CAMK2B: variants seen among roughly 807,000 people sequenced by gnomAD.
The protein encoded by CAMK2B is calcium/calmodulin-dependent protein kinase type II subunit beta.
Under a neutral mutation model 93.7 loss-of-function variants are expected in CAMK2B, and 27 were observed. That is an observed-to-expected ratio of 0.29 (90% CI 0.21 to 0.40). CAMK2B has a LOEUF of 0.40. Ranked by LOEUF, CAMK2B falls within the 10% of genes least tolerant of loss-of-function variation. CAMK2B has a pLI of 1.00. For missense variants in CAMK2B, 568 were observed against 895.8 expected (o/e 0.63, Z 4.67); for synonymous variants, 374 against 358.8 (o/e 1.04, Z -0.48).
At chr7:44,298,644 G>A (rs1037119814) in intron 1 of CAMK2B, among the ~76,000 whole-genome samples, 3 of 152,072 alleles carry the variant, frequency 2.0e-5, no homozygotes, top group Non-Finnish European at 4.4e-5. Context: ...ATCTGATGAC[G>A]GATAAATATA....
intron 2 of CAMK2B, among the ~76,000 whole-genome samples, chr7:44,280,851 C>A (rs1196402801): frequency 6.6e-6 from 1 of 152,210 alleles, no homozygotes; most frequent in Non-Finnish European, 1.5e-5. Context: ...GGCTCAGACA[C>A]AAGCAGGTGA....
rs768991188 is a variant in CAMK2B at position 44,217,187 on chromosome 7, G to A, written c.*2338C>T. 4 of 152,578 alleles carry A rather than the reference G, an allele frequency of 2.6e-5. No individual in the cohort carries two copies. The highest frequency in any genetic ancestry group is 2.1e-4 in the South Asian group (1 of 4,826). 9.5% of individuals were successfully genotyped at this position (152,578 alleles called of 1,614,324 possible). A position where few individuals can be genotyped will look rare whatever the true frequency, so the allele number is the denominator to read the frequency against. ...GTTTTTCTTTTATTTGCAGTTTCCC[G>A]AGACAGAACAAAATAAGAATAATTT... On this transcript the variant is annotated 3_prime_UTR_variant, in exon 24 of 24. Coordinates refer to ENST00000395749, the MANE Select transcript of CAMK2B (RefSeq NM_001220.5).
intron 16 of CAMK2B, among the ~76,000 whole-genome samples, chr7:44,231,904 A>ACAC (rs1391449267): frequency 6.6e-6 from 1 of 152,236 alleles, no homozygotes; most frequent in Non-Finnish European, 1.5e-5. Context: ...CACTGCCTGG[A>ACAC]CACTGCTTGG....
chr7:44,230,783 G>A (rs1041893121), intron 17 of CAMK2B, among the ~76,000 whole-genome samples: 1 of 152,160 alleles, frequency 6.6e-6, no homozygotes, highest in African/African-American at 2.4e-5. Flanking sequence ...TGCGGTGACC[G>A]AGACTGCCCA....
intron 16 of CAMK2B, among the ~76,000 whole-genome samples, chr7:44,231,375 C>T (rs887723051): frequency 7.9e-5 from 12 of 152,186 alleles, no homozygotes; most frequent in Admixed American, 2.6e-4. Flanking sequence ...AGTCCGAGGC[C>T]GGCCCTGCCA....
chr7:44,287,342 C>G (rs535608698), intron 1 of CAMK2B, among the ~76,000 whole-genome samples: 1 of 152,204 alleles, frequency 6.6e-6, no homozygotes, highest in South Asian at 2.1e-4. Context: ...CTTTACCCAC[C>G]ACTTCCCCTA....
chr7:44,301,392 C>T (rs1425724021), intron 1 of CAMK2B, among the ~76,000 whole-genome samples: 2 of 152,204 alleles, frequency 1.3e-5, no homozygotes, highest in African/African-American at 2.4e-5. Context: ...CCACCCTGTC[C>T]TCCCAAAGCA....
At chr7:44,250,759 A>G (rs1459306804) in intron 5 of CAMK2B, among the ~76,000 whole-genome samples, 2 of 151,932 alleles carry the variant, frequency 1.3e-5, no homozygotes, top group African/African-American at 4.8e-5. Flanking sequence ...CGATCTCCTG[A>G]CCTTGTGATC....
intron 13 of CAMK2B, among the ~76,000 whole-genome samples, chr7:44,235,432 C>G (rs1417592249): frequency 6.6e-6 from 1 of 152,266 alleles, no homozygotes; most frequent in Non-Finnish European, 1.5e-5. Flanking sequence ...TCAGAGGGGC[C>G]TGGCCCCAGC....
At chr7:44,299,933 T>C (rs1168493655) in intron 1 of CAMK2B, among the ~76,000 whole-genome samples, 1 of 151,990 alleles carries the variant, frequency 6.6e-6, no homozygotes, top group Non-Finnish European at 1.5e-5. Flanking sequence ...AAAAAGTAAA[T>C]GGATGGAGAA....
chr7:44,260,454 A>G (rs780139476), intron 3 of CAMK2B, among the ~76,000 whole-genome samples: 26 of 152,152 alleles, frequency 1.7e-4, no homozygotes, highest in Admixed American at 7.2e-4. Context: ...CAGGCCCCAG[A>G]AGCCTCCACA....
chr7:44,309,052 C>T (rs1345496113), intron 1 of CAMK2B, among the ~76,000 whole-genome samples: 3 of 152,200 alleles, frequency 2.0e-5, no homozygotes, highest in South Asian at 2.1e-4. Flanking sequence ...AGAGCCCTGC[C>T]CAGCACTGCC....
intron 2 of CAMK2B, among the ~76,000 whole-genome samples, chr7:44,265,643 C>T (rs533760506): frequency 5.9e-5 from 9 of 152,324 alleles, no homozygotes; most frequent in South Asian, 4.1e-4. Context: ...ACTGAAACAT[C>T]GCCAAGAGCT....
intron 1 of CAMK2B, among the ~76,000 whole-genome samples, chr7:44,291,064 C>A (rs982132591): frequency 1.3e-5 from 2 of 152,216 alleles, no homozygotes; most frequent in Non-Finnish European, 2.9e-5. Context: ...CCACTTTCCA[C>A]TTTCTCCTCT....
intron 2 of CAMK2B, among the ~76,000 whole-genome samples, chr7:44,266,376 T>G (rs2096921407): frequency 6.6e-6 from 1 of 152,156 alleles, no homozygotes; most frequent in Admixed American, 6.5e-5. Flanking sequence ...GCTTCCACAT[T>G]AACACCGTAA....
intron 1 of CAMK2B, 75 bp from the exon 2 acceptor site, chr7:44,284,300 C>T (rs1784488677): frequency 9.6e-7 from 1 of 1,045,956 alleles, no homozygotes. Flanking sequence ...CGATTAATCT[C>T]CCCATAAACA....
chr7:44,288,805 T>G (rs1785867090), intron 1 of CAMK2B, among the ~76,000 whole-genome samples: 1 of 152,114 alleles, frequency 6.6e-6, no homozygotes, highest in East Asian at 1.9e-4. Flanking sequence ...TTTCTACGAC[T>G]GCACCTGCTC....
chr7:44,291,992 C>T (rs1006371859), intron 1 of CAMK2B, among the ~76,000 whole-genome samples: 3 of 152,166 alleles, frequency 2.0e-5, no homozygotes, highest in Non-Finnish European at 2.9e-5. Context: ...TGAGCCTGCT[C>T]GGGCTGCTGA....
At chr7:44,293,532 A>G (rs1787430544) in intron 1 of CAMK2B, among the ~76,000 whole-genome samples, 1 of 152,136 alleles carries the variant, frequency 6.6e-6, no homozygotes, top group Non-Finnish European at 1.5e-5. Flanking sequence ...GGCACCAGGG[A>G]CTGGTTTTAT....
Sources: gnomAD v4.1 joint callset for allele counts (sites outside exome capture counted in the v4.1 genomes callset) on GRCh38, gnomAD v4.1.1 for gene constraint, MANE v1.5 for transcripts, NCBI Gene and HGNC (gene_info 2026-07-23, HGNC 2026-07-21) for gene names.